Variants in MACROD2 observed in about 807,000 individuals in gnomAD.
The protein encoded by MACROD2 is ADP-ribose glycohydrolase MACROD2.
Under a neutral mutation model 70.4 loss-of-function variants are expected in MACROD2, and 36 were observed. The observed-to-expected ratio is 0.51, with a 90% CI of 0.39 to 0.68. The LOEUF is 0.68. MACROD2 is among the 30% of genes least tolerant of loss of function. The pLI is 0.00. For missense variants in MACROD2, 496 were observed against 538.4 expected (o/e 0.92, Z 0.78); for synonymous variants, 172 against 178.8 (o/e 0.96, Z 0.30).
chr20:15,966,867 C>T (rs905617106), intron 12 of MACROD2, among the ~76,000 whole-genome samples: 5 of 152,164 alleles, frequency 3.3e-5, no homozygotes, highest in Admixed American at 6.5e-5. Flanking sequence ...TCCAGGGAGG[C>T]CTAAACATTT....
At chr20:15,400,104 C>T (rs980082611) in intron 6 of MACROD2, among the ~76,000 whole-genome samples, 13 of 152,150 alleles carry the variant, frequency 8.5e-5, no homozygotes, top group African/African-American at 3.1e-4. Flanking sequence ...TTTTCCTTCA[C>T]TTAGCTTTTC....
intron 5 of MACROD2, among the ~76,000 whole-genome samples, chr20:14,812,471 G>A (rs2072726871): frequency 6.6e-6 from 1 of 151,948 alleles, no homozygotes; most frequent in Non-Finnish European, 1.5e-5. Context: ...CCTAATGTAG[G>A]TGACGGGATG....
At chr20:15,676,167 A>G (rs2050054509) in intron 8 of MACROD2, among the ~76,000 whole-genome samples, 1 of 152,142 alleles carries the variant, frequency 6.6e-6, no homozygotes, top group Non-Finnish European at 1.5e-5. Context: ...TGTTTGTACA[A>G]TTTTTTGCTC....
At chr20:15,984,407 T>A (rs6080072) in intron 13 of MACROD2, among the ~76,000 whole-genome samples, 23,673 of 152,182 alleles carry the variant, frequency 0.16, 2,020 homozygotes, top group South Asian at 0.3. Flanking sequence ...ACCTTGCACA[T>A]AAACTGTTTC....
intron 5 of MACROD2, among the ~76,000 whole-genome samples, chr20:14,702,735 A>AT (rs962365618): frequency 2.1e-5 from 3 of 143,596 alleles, no homozygotes; most frequent in South Asian, 2.2e-4. Flanking sequence ...ATATATATAT[A>AT]TTTTTTTTTG....
intron 8 of MACROD2, among the ~76,000 whole-genome samples, chr20:15,743,042 T>G (rs79768794): frequency 1.3e-5 from 2 of 152,188 alleles, no homozygotes; most frequent in Non-Finnish European, 2.9e-5. Flanking sequence ...AACTTTAACA[T>G]TTCATATTCA....
Position 14,640,210 on chromosome 20 carries a change from C to CA in MACROD2, c.302-44627dup, listed in dbSNP as rs1299301638. Among the ~76,000 whole-genome samples, 3 of 152,042 alleles carry CA rather than the reference C, an allele frequency of 2.0e-5. No individual in the cohort carries two copies. The East Asian group carries it at 5.8e-4, about 29-fold the overall frequency. ...TAAATAACAACAGCTAACAACAGGT[C>CA]AAAAAATCACTGCAATTCCCAAGTA... On this transcript the variant is annotated intron_variant, in intron 4 of 17. Coordinates refer to ENST00000684519, the MANE Select transcript of MACROD2 (RefSeq NM_001351661.2).
intron 9 of MACROD2, among the ~76,000 whole-genome samples, chr20:15,868,666 A>C (rs1481043530): frequency 1.3e-5 from 2 of 150,190 alleles, no homozygotes; most frequent in African/African-American, 4.9e-5. Context: ...GTGAGCTCAC[A>C]AAATATGTTT....
intron 5 of MACROD2, among the ~76,000 whole-genome samples, chr20:14,815,615 T>C (rs545250017): frequency 6.8e-4 from 103 of 152,140 alleles, no homozygotes; most frequent in African/African-American, 2.1e-3. Flanking sequence ...TTACAATCTG[T>C]AGCTAAATAC....
At chr20:14,261,121 A>T (rs1466593436) in intron 3 of MACROD2, among the ~76,000 whole-genome samples, 2 of 152,214 alleles carry the variant, frequency 1.3e-5, no homozygotes, top group African/African-American at 4.8e-5. Flanking sequence ...AATTCCTCAG[A>T]GATTGTTTGG....
chr20:15,640,641 C>T (rs1353992234), intron 8 of MACROD2, among the ~76,000 whole-genome samples: 4 of 152,226 alleles, frequency 2.6e-5, no homozygotes, highest in Non-Finnish European at 4.4e-5. Flanking sequence ...GGCTCTCCCC[C>T]ATCCTCAGCT....
chr20:16,033,199 C>T (rs1216855964), intron 15 of MACROD2, among the ~76,000 whole-genome samples: 3 of 152,000 alleles, frequency 2.0e-5, no homozygotes, highest in Non-Finnish European at 2.9e-5. Flanking sequence ...GTTCCAAAGT[C>T]AGAAAGAGAG....
At chr20:15,771,890 CT>C (rs200544755) in intron 8 of MACROD2, among the ~76,000 whole-genome samples, 5,893 of 146,074 alleles carry the variant, frequency 0.04, 399 homozygotes, top group East Asian at 0.32. Flanking sequence ...CAAGACCATC[CT>C]TGGCTAACAC....
At chr20:15,693,958 A>C (rs748499384) in intron 8 of MACROD2, among the ~76,000 whole-genome samples, 12 of 151,650 alleles carry the variant, frequency 7.9e-5, no homozygotes, top group Non-Finnish European at 1.5e-4. Context: ...CAGTGAGAAC[A>C]TACAATGTTT....
At chr20:13,998,503 TA>T (rs2052691536) in intron 1 of MACROD2, among the ~76,000 whole-genome samples, 1 of 152,210 alleles carries the variant, frequency 6.6e-6, no homozygotes, top group Non-Finnish European at 1.5e-5. Context: ...AATAATTTTT[TA>T]TTTGTGATCT....
intron 5 of MACROD2, among the ~76,000 whole-genome samples, chr20:14,740,824 G>A (rs547343088): frequency 6.6e-6 from 1 of 152,184 alleles, no homozygotes; most frequent in South Asian, 2.1e-4. Context: ...ACTGAAGTGG[G>A]CCCTCTTTTG....
chr20:15,374,089 T>A (rs2045528920), intron 6 of MACROD2, among the ~76,000 whole-genome samples: 1 of 152,114 alleles, frequency 6.6e-6, no homozygotes, highest in Non-Finnish European at 1.5e-5. Context: ...CTATTCTCAT[T>A]ATTTTTGAAA....
At chr20:14,595,393 C>G (rs1982059139) in intron 4 of MACROD2, among the ~76,000 whole-genome samples, 1 of 152,170 alleles carries the variant, frequency 6.6e-6, no homozygotes, top group Non-Finnish European at 1.5e-5. Flanking sequence ...GAAGAGGGGC[C>G]AGCCTCGTCC....
At chr20:15,984,681 G>A (rs911060425) in intron 13 of MACROD2, among the ~76,000 whole-genome samples, 2 of 147,998 alleles carry the variant, frequency 1.4e-5, no homozygotes, top group African/African-American at 5.1e-5. Context: ...TATGTCTTTG[G>A]ACTAGACTGT....
Sources: gnomAD v4.1 joint callset for allele counts (sites outside exome capture counted in the v4.1 genomes callset) on GRCh38, gnomAD v4.1.1 for gene constraint, MANE v1.5 for transcripts, NCBI Gene and HGNC (gene_info 2026-07-23, HGNC 2026-07-21) for gene names.